KCND2: variants seen among roughly 807,000 people sequenced by gnomAD.
KCND2 encodes A-type voltage-gated potassium channel KCND2.
Under a neutral mutation model 54.4 loss-of-function variants are expected in KCND2, and 16 were observed. The observed-to-expected ratio is 0.29, with a 90% CI of 0.20 to 0.45. The LOEUF (loss-of-function observed/expected upper bound fraction) is 0.45. KCND2 is among the 20% of genes least tolerant of loss of function. KCND2 has a pLI of 1.00. For synonymous variants in KCND2, 317 were observed against 310.7 expected (o/e 1.02, Z -0.21); for missense variants, 486 against 824.2 (o/e 0.59, Z 5.02).
chr7:120,474,730 A>G (rs10488298), intron 1 of KCND2, among the ~76,000 whole-genome samples: 1 of 151,880 alleles, frequency 6.6e-6, no homozygotes, highest in Non-Finnish European at 1.5e-5. Context: ...ATCTAATACT[A>G]TCCCATTACC....
intron 1 of KCND2, among the ~76,000 whole-genome samples, chr7:120,534,674 A>T (rs1791880965): frequency 6.6e-6 from 1 of 152,184 alleles, no homozygotes; most frequent in Non-Finnish European, 1.5e-5. Flanking sequence ...ATACTATAGT[A>T]ATATAAGATG....
intron 1 of KCND2, among the ~76,000 whole-genome samples, chr7:120,609,113 C>G (rs543389823): frequency 9.9e-5 from 15 of 151,996 alleles, no homozygotes; most frequent in Admixed American, 2.6e-4. Flanking sequence ...TCATAATGTT[C>G]TGATTTTTTT....
intron 1 of KCND2, among the ~76,000 whole-genome samples, chr7:120,552,869 T>C (rs1461318890): frequency 6.6e-6 from 1 of 152,240 alleles, no homozygotes; most frequent in Non-Finnish European, 1.5e-5. Context: ...CTTTTGTCTA[T>C]AGTTTTTAAA....
chr7:120,582,620 C>T (rs1409912543), intron 1 of KCND2, among the ~76,000 whole-genome samples: 1 of 152,098 alleles, frequency 6.6e-6, no homozygotes, highest in Non-Finnish European at 1.5e-5. Context: ...CTTTCTCCAT[C>T]CTCCCATTCC....
chr7:120,649,161 A>C (rs1417448554), intron 1 of KCND2, among the ~76,000 whole-genome samples: 2 of 152,088 alleles, frequency 1.3e-5, no homozygotes, highest in Admixed American at 1.3e-4. Context: ...CTAGACCTCA[A>C]TATAAGACTT....
At chr7:120,547,980 G>T (rs1323352490) in intron 1 of KCND2, among the ~76,000 whole-genome samples, 1 of 151,996 alleles carries the variant, frequency 6.6e-6, no homozygotes, top group African/African-American at 2.4e-5. Context: ...GTATATCAGA[G>T]ACCAAGAGCC....
intron 1 of KCND2, among the ~76,000 whole-genome samples, chr7:120,490,053 C>A (rs550577993): frequency 6.6e-6 from 1 of 152,214 alleles, no homozygotes; most frequent in African/African-American, 2.4e-5. Flanking sequence ...CTCAGAGTGG[C>A]CTGGAAGTCT....
intron 1 of KCND2, among the ~76,000 whole-genome samples, chr7:120,612,677 C>G (rs1004400074): frequency 1.3e-5 from 2 of 152,174 alleles, no homozygotes; most frequent in Non-Finnish European, 2.9e-5. Context: ...AAAGAACGTG[C>G]CTTTCAGTCA....
intron 1 of KCND2, among the ~76,000 whole-genome samples, chr7:120,328,155 C>G (rs1461432337): frequency 2.0e-5 from 3 of 152,062 alleles, no homozygotes; most frequent in Non-Finnish European, 4.4e-5. Context: ...TGTTCAATAG[C>G]TCAGTCTTTA....
chr7:120,441,039 C>T (rs1801938520), intron 1 of KCND2, among the ~76,000 whole-genome samples: 1 of 151,828 alleles, frequency 6.6e-6, no homozygotes, highest in South Asian at 2.1e-4. Flanking sequence ...GCAAGAACAC[C>T]TCACATTACC....
rs138237120 is a variant in KCND2 at position 120,648,439 on chromosome 7, C to T, written c.1116-84464C>T. Among the ~76,000 whole-genome samples, 423 of 151,606 alleles carry T rather than the reference C, an allele frequency of 2.8e-3. 1 individual carries two copies. The highest frequency in any genetic ancestry group is 7.8e-3 in the African/African-American group (322 of 41,298). The stretch of plus-strand genomic sequence containing the variant: ...GGAATATATGCTAATAGAAAGACAT[C>T]GAAATAGAGAAGAGGAGTGTAAAAA... On this transcript the variant is annotated intron_variant, in intron 1 of 5. Coordinates refer to ENST00000331113, the MANE Select transcript of KCND2 (RefSeq NM_012281.3).
chr7:120,359,849 T>C (rs1411315482), intron 1 of KCND2, among the ~76,000 whole-genome samples: 1 of 152,074 alleles, frequency 6.6e-6, no homozygotes, highest in East Asian at 1.9e-4. Context: ...TCTCATGAGA[T>C]CTGAGGGTTT....
Position 120,747,804 on chromosome 7 carries a change from GC to G in KCND2, c.1841del (p.Pro614GlnfsTer38). The G allele has an allele frequency of 6.2e-7, 1 of 1,612,510 alleles. No individual in the cohort carries two copies. Among genetic ancestry groups the G allele is most frequent in the Non-Finnish European group, 8.5e-7 (1 of 1,178,976 alleles). On this transcript the variant is annotated frameshift_variant, in exon 6 of 6. Transcript: ENST00000331113. LOFTEE classifies it high-confidence loss of function. ...TAACCACACCAGAAGGAGACGATAG[GC>G]CAGAATCCCCTGAGTACTCAGGAGG... is the stretch of plus-strand genomic sequence containing the variant. The part of the protein sequence containing the change: ...PVTTPEGDDR[P>X]ESPEYSGGNI...
Position 120,273,179 on chromosome 7 carries a change from C to G in KCND2, c.-1454C>G, listed in dbSNP as rs895644129. ...GAAAGGCAGGAGACGCCTTTCCTAA[C>G]CTGCGTGGCGGGGCGTGCGCGCGGT... On this transcript the variant is annotated 5_prime_UTR_variant, in exon 1 of 6. Transcript: ENST00000331113. Among the ~76,000 whole-genome samples, 6 of 152,182 alleles carry G rather than the reference C, an allele frequency of 3.9e-5. No homozygotes were observed. The highest frequency in any genetic ancestry group is 1.4e-4 in the African/African-American group (6 of 41,444).
At chr7:120,386,151 A>G (rs542541667) in intron 1 of KCND2, among the ~76,000 whole-genome samples, 11 of 152,244 alleles carry the variant, frequency 7.2e-5, no homozygotes, top group African/African-American at 2.4e-4. Flanking sequence ...ATAGTGCATT[A>G]TTTACCTCAG....
chr7:120,682,212 C>A (rs1269719958), intron 1 of KCND2, among the ~76,000 whole-genome samples: 1 of 151,878 alleles, frequency 6.6e-6, no homozygotes, highest in Non-Finnish European at 1.5e-5. Context: ...TATGTTTTCT[C>A]TAAGTGCAGC....
chr7:120,374,966 G>A (rs1276159419), intron 1 of KCND2, among the ~76,000 whole-genome samples: 1 of 151,836 alleles, frequency 6.6e-6, no homozygotes, highest in African/African-American at 2.4e-5. Flanking sequence ...CCTGGAAAAG[G>A]AGCTAGTCAA....
intron 1 of KCND2, among the ~76,000 whole-genome samples, chr7:120,358,875 G>A (rs947919232): frequency 2.0e-5 from 3 of 152,124 alleles, no homozygotes; most frequent in African/African-American, 7.2e-5. Flanking sequence ...ACAACTATAT[G>A]CAAATATTTT....
chr7:120,533,698 C>A (rs963044997), intron 1 of KCND2, among the ~76,000 whole-genome samples: 3 of 152,202 alleles, frequency 2.0e-5, no homozygotes, highest in African/African-American at 7.2e-5. Flanking sequence ...TTGCCTCTTC[C>A]TGCCCAGATC....
Sources: gnomAD v4.1 joint callset for allele counts (sites outside exome capture counted in the v4.1 genomes callset) on GRCh38, gnomAD v4.1.1 for gene constraint, MANE v1.5 for transcripts, NCBI Gene and HGNC (gene_info 2026-07-23, HGNC 2026-07-21) for gene names.